The following PARD3B variants were observed in gnomAD, a reference collection of about 807,000 sequenced individuals.
The protein encoded by PARD3B is partitioning defective 3 homolog B.
In PARD3B, 103 loss-of-function variants were observed where a neutral mutation model predicts 130.2. The ratio of observed to expected loss-of-function variants is 0.79; its 90% CI spans 0.67 to 0.93. The LOEUF is 0.93. PARD3B is among the 40% of genes least tolerant of loss of function. The pLI is 0.00. For synonymous variants in PARD3B, 583 were observed against 553.2 expected (o/e 1.05, Z -0.76); for missense variants, 1,609 against 1,499.2 (o/e 1.07, Z -1.21).
chr2:205,523,878 C>G (rs756850058), intron 21 of PARD3B, among the ~76,000 whole-genome samples: 5 of 127,692 alleles, frequency 3.9e-5, no homozygotes, highest in Non-Finnish European at 7.8e-5. Context: ...ATTTTTAAAT[C>G]CTTAAAATCT....
At chr2:204,730,397 A>T (rs749803011) in intron 2 of PARD3B, among the ~76,000 whole-genome samples, 1 of 152,128 alleles carries the variant, frequency 6.6e-6, no homozygotes, top group Non-Finnish European at 1.5e-5. Flanking sequence ...TAGCATAATT[A>T]TACTGCTCTG....
chr2:205,385,066 C>T (rs1180959044), intron 18 of PARD3B, among the ~76,000 whole-genome samples: 1 of 151,952 alleles, frequency 6.6e-6, no homozygotes, highest in Non-Finnish European at 1.5e-5. Context: ...TATTTTTAGG[C>T]TGATAGGATT....
intron 1 of PARD3B, among the ~76,000 whole-genome samples, chr2:204,628,281 T>G (rs1441954034): frequency 6.6e-6 from 1 of 151,662 alleles, no homozygotes. Context: ...AATTCCCGTT[T>G]TTTTTTTTTA....
At chr2:204,556,918 C>G (rs1012064358) in intron 1 of PARD3B, among the ~76,000 whole-genome samples, 1 of 152,012 alleles carries the variant, frequency 6.6e-6, no homozygotes, top group African/African-American at 2.4e-5. Context: ...TTATCAAGAT[C>G]TAGTAGCTAA....
At chr2:204,594,213 C>T (rs2033192159) in intron 1 of PARD3B, among the ~76,000 whole-genome samples, 1 of 152,232 alleles carries the variant, frequency 6.6e-6, no homozygotes, top group East Asian at 1.9e-4. Context: ...CCTGAAAGGG[C>T]ATTGTGTTGC....
chr2:205,200,990 A>G (rs2036957600), intron 15 of PARD3B, among the ~76,000 whole-genome samples: 1 of 152,200 alleles, frequency 6.6e-6, no homozygotes, highest in African/African-American at 2.4e-5. Context: ...AGATCAAAGG[A>G]GAAAACAGCT....
intron 22 of PARD3B, among the ~76,000 whole-genome samples, chr2:205,608,622 C>A (rs753980884): frequency 1.4e-4 from 21 of 152,082 alleles, no homozygotes; most frequent in Non-Finnish European, 2.1e-4. Flanking sequence ...ACCTCTCATC[C>A]CCTCATAAAG....
At chr2:205,409,950 G>A (rs1050285713) in intron 19 of PARD3B, among the ~76,000 whole-genome samples, 5 of 152,020 alleles carry the variant, frequency 3.3e-5, no homozygotes, top group Non-Finnish European at 5.9e-5. Flanking sequence ...TAATATAAAC[G>A]TATTAAATAC....
intron 2 of PARD3B, among the ~76,000 whole-genome samples, chr2:204,934,284 TA>T: frequency 6.6e-6 from 1 of 152,334 alleles, no homozygotes; most frequent in East Asian, 1.9e-4. Context: ...AAAATATGTT[TA>T]ATGCAGCATG....
intron 4 of PARD3B, among the ~76,000 whole-genome samples, chr2:205,050,628 A>T (rs1328783498): frequency 6.6e-6 from 1 of 152,144 alleles, no homozygotes. Context: ...AATAATTGTT[A>T]TACTGACTAT....
chr2:204,805,720 G>C (rs1297378324), intron 2 of PARD3B, among the ~76,000 whole-genome samples: 1 of 152,016 alleles, frequency 6.6e-6, no homozygotes, highest in African/African-American at 2.4e-5. Flanking sequence ...ATGACCAAGT[G>C]GGATTTATAC....
At chr2:205,600,757 T>C (rs2054752506) in intron 22 of PARD3B, among the ~76,000 whole-genome samples, 1 of 152,208 alleles carries the variant, frequency 6.6e-6, no homozygotes, top group Admixed American at 6.5e-5. Flanking sequence ...ATACGGTGTT[T>C]GGTTTTCTGT....
At chr2:205,375,764 T>C (rs2045021641) in intron 18 of PARD3B, among the ~76,000 whole-genome samples, 1 of 152,134 alleles carries the variant, frequency 6.6e-6, no homozygotes, top group Non-Finnish European at 1.5e-5. Flanking sequence ...AAGTTATGCT[T>C]TTACTTGAAT....
At chr2:205,559,464 T>C (rs756553208) in intron 22 of PARD3B, among the ~76,000 whole-genome samples, 13 of 152,004 alleles carry the variant, frequency 8.6e-5, no homozygotes, top group Non-Finnish European at 1.6e-4. Context: ...ATTTTCTTTA[T>C]ATACAAGGAA....
At chr2:204,816,203 T>A (rs1423204271) in intron 2 of PARD3B, among the ~76,000 whole-genome samples, 1 of 152,042 alleles carries the variant, frequency 6.6e-6, no homozygotes, top group Non-Finnish European at 1.5e-5. Flanking sequence ...ATCATTGTGC[T>A]ATTGTTGTCG....
intron 20 of PARD3B, among the ~76,000 whole-genome samples, chr2:205,487,785 AT>A (rs1460895019): frequency 1.3e-5 from 2 of 152,242 alleles, no homozygotes; most frequent in African/African-American, 4.8e-5. Context: ...AATGTCAGAT[AT>A]GTATTCTTAA....
At chr2:204,952,226 A>G (rs1045344795) in intron 2 of PARD3B, among the ~76,000 whole-genome samples, 1 of 152,236 alleles carries the variant, frequency 6.6e-6, no homozygotes, top group Non-Finnish European at 1.5e-5. Flanking sequence ...TCATCGAAAT[A>G]TTAAAATTTT....
At chr2:205,387,131 C>G (rs142741762) in intron 18 of PARD3B, among the ~76,000 whole-genome samples, 4 of 152,202 alleles carry the variant, frequency 2.6e-5, no homozygotes, top group Non-Finnish European at 4.4e-5. Flanking sequence ...GTTCTATATA[C>G]TATGTGATTG....
chr2:205,481,022 C>G (rs1297617720), intron 20 of PARD3B, among the ~76,000 whole-genome samples: 1 of 152,056 alleles, frequency 6.6e-6, no homozygotes, highest in East Asian at 1.9e-4. Flanking sequence ...GAAAGAATCT[C>G]TCTGTGAGCA....
Sources: allele counts gnomAD v4.1 joint callset (sites outside exome capture counted in the v4.1 genomes callset), GRCh38; gene constraint gnomAD v4.1.1; transcripts MANE v1.5; gene names NCBI Gene and HGNC (gene_info 2026-07-23, HGNC 2026-07-21).